The following BRAF variants were observed in gnomAD, a reference collection of about 807,000 sequenced individuals.
The protein encoded by BRAF is B-Raf proto-oncogene, serine/threonine kinase.
In BRAF, 16 loss-of-function variants were observed where a neutral mutation model predicts 104.6. The ratio of observed to expected loss-of-function variants is 0.15; its 90% confidence interval spans 0.10 to 0.23. The LOEUF (loss-of-function observed/expected upper bound fraction) is 0.23, where lower values mean the gene tolerates loss of function less well. Among genes scored for constraint, BRAF ranks in the 10% least tolerant of loss-of-function variants. The pLI, the probability that BRAF is intolerant of heterozygous loss-of-function variation, is 1.00. For missense variants in BRAF, 541 were observed against 937.3 expected (o/e 0.58, Z 5.52); for synonymous variants, 310 against 341.6 (o/e 0.91, Z 1.02).
At chr7:140,830,937 T>A (rs1349127939) in intron 3 of BRAF, among the ~76,000 whole-genome samples, 3 of 152,226 alleles carry the variant, frequency 2.0e-5, no homozygotes, top group Non-Finnish European at 4.4e-5. Flanking sequence ...CTGTGAGCTA[T>A]TCTAGCAAAT....
At chr7:140,880,709 C>T (rs1037719133) in intron 1 of BRAF, among the ~76,000 whole-genome samples, 2 of 151,800 alleles carry the variant, frequency 1.3e-5, no homozygotes, top group Non-Finnish European at 1.5e-5. Context: ...ATGAATGCTG[C>T]GTTAGTGGTT....
chr7:140,818,519 G>C (rs1805129117), intron 3 of BRAF, among the ~76,000 whole-genome samples: 1 of 151,956 alleles, frequency 6.6e-6, no homozygotes, highest in Non-Finnish European at 1.5e-5. Flanking sequence ...CATCATGTTG[G>C]CCAGGCTGGT....
chr7:140,783,306 G>T, intron 10 of BRAF, 149 bp from the exon 10 acceptor site: 1 of 928,450 alleles, frequency 1.1e-6, no homozygotes, highest in Non-Finnish European at 1.6e-6. Context: ...GGCCAAAAAG[G>T]GGCCTCATTT....
At position 140,827,845 on chromosome 7, in the gene BRAF, A is replaced by T. The variant is rs1806233785; in HGVS notation, c.504+6764T>A. On this transcript the variant is annotated intron_variant, in intron 3 of 19. Transcript: ENST00000644969. ...CCAGCCACAGACAACATATAAACAG[A>T]TTAGCATTGTTGTGTTCCAATAACA... Among the ~76,000 whole-genome samples the T allele has an allele frequency of 4.6e-5, 7 of 152,322 alleles. No individual in the cohort carries two copies. The South Asian group carries it at 1.2e-3, about 27-fold the overall frequency.
chr7:140,781,463 A>ATTTG, intron 12 of BRAF, 113 bp downstream of exon 11: 1 of 1,082,632 alleles, frequency 9.2e-7, no homozygotes. Flanking sequence ...TAATCAAAAT[A>ATTTG]GTTTATTGAT....
chr7:140,797,876 C>CT lies in BRAF; in HGVS notation c.980+2485dup, dbSNP rs1443703345. Reference sequence around the variant, plus strand: ...AATAATAACATTTTGATTTGACCATCTAAAAAAAACACAGCTGCACACAAG... The same window carrying CT: ...AATAATAACATTTTGATTTGACCATCTTAAAAAAAACACAGCTGCACACAAG... On this transcript the variant is annotated intron_variant, in intron 7 of 19. Transcript: ENST00000644969. 1.3e-5 allele frequency among the ~76,000 whole-genome samples: 2 copies of CT among 151,976 alleles called. 1 individual carries two copies. The highest frequency in any genetic ancestry group is 4.8e-5 in the African/African-American group (2 of 41,358).
chr7:140,903,051 A>G lies in BRAF; in HGVS notation c.138+21515T>C, dbSNP rs556448001. On this transcript the variant is annotated intron_variant, in intron 1 of 19. Coordinates refer to ENST00000644969, the MANE Select transcript of BRAF (RefSeq NM_001374258.1). ...GCGATTCTCCTGCCTCAGCCTCCTG[A>G]GTACCTGGGATTACAGGCATGTGCC... Among the ~76,000 whole-genome samples, 16 of 150,920 alleles carry G rather than the reference A, an allele frequency of 1.1e-4. No homozygotes were observed. In the South Asian group the frequency reaches 1.5e-3, roughly 14 times the overall value.
intron 12 of BRAF, chr7:140,781,136 T>C (rs1800831162): frequency 5.6e-6 from 1 of 178,470 alleles, no homozygotes; most frequent in African/African-American, 2.4e-5. Context: ...TTTCACCATG[T>C]TGGCCAGTAT....
chr7:140,804,413 G>GC (rs1803450399), intron 5 of BRAF, among the ~76,000 whole-genome samples: 1 of 150,542 alleles, frequency 6.6e-6, no homozygotes. Flanking sequence ...TTTTGGGGGG[G>GC]GTGGTTAATA....
chr7:140,839,679 G>A lies in BRAF; in HGVS notation c.241-4807C>T, dbSNP rs1052039966. On this transcript the variant is annotated intron_variant, in intron 2 of 19. Coordinates refer to ENST00000644969, the MANE Select transcript of BRAF (RefSeq NM_001374258.1). Reference sequence around the variant, plus strand: ...CAGGAGGTAGAGGCTGCAATGAGCCGAGATCATGCCACTACACTCCAACCT... The same window carrying A: ...CAGGAGGTAGAGGCTGCAATGAGCCAAGATCATGCCACTACACTCCAACCT... Among the ~76,000 whole-genome samples the A allele has an allele frequency of 2.6e-5, 4 of 152,248 alleles. No individual in the cohort carries two copies. In the East Asian group the frequency reaches 5.8e-4, roughly 22 times the overall value.
In BRAF at chr7:140,722,806, C is replaced by A; in HGVS notation, c.*3688G>T. 1.9e-6 allele frequency: 2 copies of A among 1,052,810 alleles called. No individual in the cohort carries two copies. The highest frequency in any genetic ancestry group is 2.3e-6 in the Non-Finnish European group (2 of 871,420). The allele number at this position is 1,052,810 out of a possible 1,614,324, so 65.2% of individuals were successfully genotyped here. ...CACTGTTAGTGAAGTGATACCACAGCTATTTAATTTCATGCAATTGACTCA... is the reference window on the plus strand; with the variant it reads ...CACTGTTAGTGAAGTGATACCACAGATATTTAATTTCATGCAATTGACTCA... On this transcript the variant is annotated 3_prime_UTR_variant, in exon 20 of 20. Coordinates refer to ENST00000644969, the MANE Select transcript of BRAF (RefSeq NM_001374258.1).
chr7:140,736,241 T>C (rs749950246), intron 18 of BRAF, among the ~76,000 whole-genome samples: 2 of 150,572 alleles, frequency 1.3e-5, no homozygotes, highest in Non-Finnish European at 3.0e-5. Flanking sequence ...CGGATAATTT[T>C]GTATTTTTAG....
intron 19 of BRAF, chr7:140,731,520 G>C (rs542504841): frequency 1.3e-5 from 2 of 152,210 alleles, no homozygotes; most frequent in African/African-American, 4.8e-5. Flanking sequence ...TTTTTAAAAA[G>C]GCACATAATT....
intron 1 of BRAF, among the ~76,000 whole-genome samples, chr7:140,894,607 A>G (rs1223984898): frequency 6.6e-6 from 1 of 152,170 alleles, no homozygotes; most frequent in Non-Finnish European, 1.5e-5. Flanking sequence ...AGGCTTACAG[A>G]TATTAAATCT....
At chr7:140,875,433 T>A (rs1016626629) in intron 1 of BRAF, among the ~76,000 whole-genome samples, 1 of 152,206 alleles carries the variant, frequency 6.6e-6, no homozygotes, top group African/African-American at 2.4e-5. Flanking sequence ...TGGAGTACAA[T>A]GGCGTGATCT....
intron 14 of BRAF, among the ~76,000 whole-genome samples, chr7:140,757,443 C>T (rs1272441249): frequency 1.3e-5 from 2 of 152,078 alleles, no homozygotes; most frequent in African/African-American, 4.8e-5. Context: ...GCGCGCGCCA[C>T]CATGCCCAGC....
chr7:140,746,780 AG>A lies in BRAF; in HGVS notation c.2112+2506del, dbSNP rs201540481. ...GGGAGGCAGAGGTTGCAGTGAGCTG[AG>A]ATCAGGCCACTGCATTCCAGCCTGG... On this transcript the variant is annotated intron_variant, in intron 17 of 19. Coordinates refer to ENST00000644969, the MANE Select transcript of BRAF (RefSeq NM_001374258.1). Among the ~76,000 whole-genome samples, 1,141 of 151,462 alleles carry A rather than the reference AG, an allele frequency of 7.5e-3. 44 individuals are homozygous for A. Among genetic ancestry groups the A allele is most frequent in the Admixed American group, 0.057 (857 of 15,150 alleles).
At chr7:140,859,062 A>T (rs997891597) in intron 1 of BRAF, among the ~76,000 whole-genome samples, 1 of 152,230 alleles carries the variant, frequency 6.6e-6, no homozygotes, top group Non-Finnish European at 1.5e-5. Context: ...TTAAAAAAAG[A>T]TGCTTCTCAT....
In BRAF at chr7:140,757,670, C is replaced by A. The variant is rs533357256; in HGVS notation, c.1815-3437G>T. 3.3e-5 allele frequency among the ~76,000 whole-genome samples: 5 copies of A among 152,256 alleles called. No individual in the cohort carries two copies. The South Asian group carries it at 1.0e-3, about 32-fold the overall frequency. On this transcript the variant is annotated intron_variant, in intron 14 of 19. Coordinates refer to ENST00000644969, the MANE Select transcript of BRAF (RefSeq NM_001374258.1). ...CACTAAAAAAGTCGGTTTTTTCTTGCCTGCTTCATTTTTCTTTAATAAAAC... is the reference window on the plus strand; with the variant it reads ...CACTAAAAAAGTCGGTTTTTTCTTGACTGCTTCATTTTTCTTTAATAAAAC...
Sources: gnomAD v4.1 joint callset for allele counts (sites outside exome capture counted in the v4.1 genomes callset) on GRCh38, gnomAD v4.1.1 for gene constraint, MANE v1.5 for transcripts, NCBI Gene and HGNC (gene_info 2026-07-23, HGNC 2026-07-21) for gene names.